The following OR5M9 variants were observed in gnomAD, a reference collection of about 807,000 sequenced individuals.
OR5M9 encodes olfactory receptor 5M9.
For missense variants in OR5M9, 464 were observed against 383.6 expected, an observed-to-expected ratio of 1.21 and a Z score of -1.75; for synonymous variants, 174 against 145.0, an observed-to-expected ratio of 1.20 and a Z score of -1.44.
In OR5M9 at chr11:56,462,893, A is replaced by G. The variant is rs753273695; in HGVS notation, c.509T>C (p.Phe170Ser). 1 of 1,614,116 alleles carries G rather than the reference A, an allele frequency of 6.2e-7. No homozygotes were observed. The highest frequency in any genetic ancestry group is 2.2e-5 in the East Asian group (1 of 44,862). The change falls in exon 1 of 1, where the codon TTT (phenylalanine) becomes TCT (serine). Residue 170 changes from phenylalanine to serine, a missense_variant. Physicochemically the swap from Phe to Ser is radical, Grantham distance 155 (BLOSUM62 -2). Coordinates refer to ENST00000279791, the MANE Select transcript of OR5M9 (RefSeq NM_001004743.1). The part of the protein sequence containing the change: ...WTYGLYFCGN[F>S]EINHFYCADP... Reference sequence around the variant, plus strand: ...TGCACAATAGAAGTGATTGATTTCAAAGTTTCCACAGAAGTATAAGCCATA... The same window carrying G: ...TGCACAATAGAAGTGATTGATTTCAGAGTTTCCACAGAAGTATAAGCCATA...
Position 56,462,931 on chromosome 11 carries a change from G to T in OR5M9, c.471C>A (p.Cys157Ter). 1 of 1,613,938 alleles carries T rather than the reference G, an allele frequency of 6.2e-7. No homozygotes were observed. The highest frequency in any genetic ancestry group is 8.5e-7 in the Non-Finnish European group (1 of 1,179,868). The change falls in exon 1 of 1, where the codon TGC becomes TGA. Residue 157 changes from cysteine to a stop codon, truncating the protein, a stop_gained. Coordinates refer to ENST00000279791, the MANE Select transcript of OR5M9 (RefSeq NM_001004743.1). LOFTEE classifies it low-confidence loss of function (END_TRUNC). ...YVYGFSVSLI[C>*]TLWTYGLYFC... Reference sequence around the variant, plus strand: ...AGTATAAGCCATAAGTCCATAGTGTGCATATTAGGCTGACAGAGAATCCAT... The same window carrying T: ...AGTATAAGCCATAAGTCCATAGTGTTCATATTAGGCTGACAGAGAATCCAT...
chr11:56,463,095 T>C lies in OR5M9; in HGVS notation c.307A>G (p.Ile103Val), dbSNP rs774176482. Residue 103 changes from isoleucine (I) to valine (V), a missense_variant, in exon 1 of 1, where the codon ATT (isoleucine) becomes GTT (valine). By Grantham distance (29) the Ile-to-Val change is conservative. Transcript: ENST00000279791. ...VGCLVQCYFF[I>V]AVVHVEVYIL... is the part of the protein sequence containing the mutation. ...TAGACCTCCACGTGGACAACGGCAATGAAAAAGTAGCACTGCACCAAGCAT... is the reference window on the plus strand; with the variant it reads ...TAGACCTCCACGTGGACAACGGCAACGAAAAAGTAGCACTGCACCAAGCAT... 41 of 1,613,932 alleles carry C rather than the reference T, an allele frequency of 2.5e-5. No homozygotes were observed. The highest frequency in any genetic ancestry group is 3.0e-5 in the Non-Finnish European group (35 of 1,179,978).
chr11:56,463,119 A>G lies in OR5M9; in HGVS notation c.283T>C (p.Cys95Arg). 3 of 1,614,108 alleles carry G rather than the reference A, an allele frequency of 1.9e-6. No individual in the cohort carries two copies. Among genetic ancestry groups the G allele is most frequent in the South Asian group, 1.1e-5 (1 of 91,090 alleles). Residue 95 changes from cysteine to arginine, a missense_variant, in exon 1 of 1, where the codon TGC (cysteine) becomes CGC (arginine). By Grantham distance (180) the Cys-to-Arg change is radical. Coordinates refer to ENST00000279791, the MANE Select transcript of OR5M9 (RefSeq NM_001004743.1). ...ATGAAAAAGTAGCACTGCACCAAGCATCCCACATAGGAAATGGTTTTTGTC... is the reference window on the plus strand; with the variant it reads ...ATGAAAAAGTAGCACTGCACCAAGCGTCCCACATAGGAAATGGTTTTTGTC... ...SETKTISYVG[C>R]LVQCYFFIAV...
chr11:56,463,197 C>G lies in OR5M9; in HGVS notation c.205G>C (p.Val69Leu). The part of the protein sequence containing the change: ...FFLSHLSFAD[V>L]CFSSNVTPKM... The stretch of plus-strand genomic sequence containing the variant: ...GGGGTAACGTTGGAGGAGAAGCACA[C>G]GTCCGCAAAAGACAGATGACTCAGG... The change falls in exon 1 of 1, where the codon GTG (valine) becomes CTG (leucine). Residue 69 changes from valine (V) to leucine (L), a missense_variant. Val to Leu is a conservative substitution (Grantham distance 32). Transcript: ENST00000279791. 2 of 1,613,858 alleles carry G rather than the reference C, an allele frequency of 1.2e-6. No individual in the cohort carries two copies. Among genetic ancestry groups the G allele is most frequent in the Middle Eastern group, 1.6e-4 (1 of 6,062 alleles).
rs768275209 is a variant in OR5M9, at chr11:56,463,374, AT to A, written c.27del (p.Glu9AspfsTer7). 2 of 1,609,474 alleles carry A rather than the reference AT, an allele frequency of 1.2e-6. No homozygotes were observed. The highest frequency in any genetic ancestry group is 3.4e-5 in the Admixed American group (2 of 59,038). Reference protein sequence around the residue: MPNFTDVTEFTLLGLTCRQ... With the variant: MPNFTDVTXFTLLGLTCRQ... ...CGACAGGTCAGCCCCAGGAGAGTAA[AT>A]TCTGTCACATCCGTGAAATTAGGCA... is the stretch of plus-strand genomic sequence containing the variant. On this transcript the variant is annotated frameshift_variant, in exon 1 of 1. Transcript: ENST00000279791. LOFTEE classifies it low-confidence loss of function (END_TRUNC).
In OR5M9 at chr11:56,462,820, T is replaced by C; in HGVS notation, c.582A>G (p.Glu194=). 1 of 1,613,742 alleles carries C rather than the reference T, an allele frequency of 6.2e-7. No individual in the cohort carries two copies. The highest frequency in any genetic ancestry group is 8.5e-7 in the Non-Finnish European group (1 of 1,179,862). ...QIACGRVHIK[E]ITMIVIAGIN... ...TTCCAGCAATAACAATCATTGTGAT[T>C]TCTTTGATGTGCACTCTCCCACAGG... The change falls in exon 1 of 1, where the codon GAA becomes GAG. Residue 194 remains glutamate (E), a synonymous_variant. Transcript: ENST00000279791.
At position 56,462,922 on chromosome 11, in the gene OR5M9, C is replaced by A. The variant is rs370179172; in HGVS notation, c.480G>T (p.Trp160Cys). The change falls in exon 1 of 1, where the codon TGG (tryptophan) becomes TGT (cysteine). Residue 160 changes from tryptophan to cysteine, a missense_variant. By Grantham distance (215) the Trp-to-Cys change is radical. Transcript: ENST00000279791. ...GFSVSLICTL[W>C]TYGLYFCGNF... ...TTCCACAGAAGTATAAGCCATAAGT[C>A]CATAGTGTGCATATTAGGCTGACAG... The A allele has an allele frequency of 6.2e-7, 1 of 1,614,038 alleles. No homozygotes were observed.
rs761732397 is a variant in OR5M9 at position 56,463,382 on chromosome 11, A to G, written c.20T>C (p.Val7Ala). The change falls in exon 1 of 1, where the codon GTG becomes GCG. Residue 7 changes from valine to alanine, a missense_variant. Transcript: ENST00000279791. MPNFTDVTEFTLLGLTC... is the reference protein window; with the variant it reads MPNFTDATEFTLLGLTC... The stretch of plus-strand genomic sequence containing the variant: ...CAGCCCCAGGAGAGTAAATTCTGTC[A>G]CATCCGTGAAATTAGGCATTGCCTT... 24 of 1,607,484 alleles carry G rather than the reference A, an allele frequency of 1.5e-5. No homozygotes were observed. Among genetic ancestry groups the G allele is most frequent in the Non-Finnish European group, 2.0e-5 (24 of 1,177,536 alleles).
chr11:56,463,293 G>C lies in OR5M9; in HGVS notation c.109C>G (p.Leu37Val), dbSNP rs767591636. The C allele has an allele frequency of 1.2e-6, 2 of 1,613,432 alleles. No homozygotes were observed. The highest frequency in any genetic ancestry group is 1.3e-5 in the African/African-American group (1 of 74,878). ...ATGATCATACCAATATTTCCCAACA[G>C]AGTGATCATGTAAACCGCTAGGAAC... is the stretch of plus-strand genomic sequence containing the variant. ...VVFLAVYMIT[L>V]LGNIGMIILI... Residue 37 changes from leucine to valine, a missense_variant, in exon 1 of 1, where the codon CTG becomes GTG. Coordinates refer to ENST00000279791, the MANE Select transcript of OR5M9 (RefSeq NM_001004743.1).
In OR5M9 at chr11:56,462,589, C is replaced by A. The variant is rs747756929; in HGVS notation, c.813G>T (p.Met271Ile). 8.7e-6 allele frequency: 14 copies of A among 1,613,576 alleles called. No homozygotes were observed. The highest frequency in any genetic ancestry group is 1.1e-5 in the Non-Finnish European group (13 of 1,179,724). ...PTEESVEQGK[M>I]VAVFYTTVIP... The stretch of plus-strand genomic sequence containing the variant: ...TTACTGTGGTGTAAAACACAGCCAC[C>A]ATTTTGCCCTGCTCTACGGATTCCT... Residue 271 changes from methionine (M) to isoleucine (I), a missense_variant, in exon 1 of 1, where the codon ATG (methionine) becomes ATT (isoleucine). Transcript: ENST00000279791.
Position 56,462,650 on chromosome 11 carries a change from C to G in OR5M9, c.752G>C (p.Gly251Ala). 1 of 1,613,708 alleles carries G rather than the reference C, an allele frequency of 6.2e-7. No homozygotes were observed. Residue 251 changes from glycine (G) to alanine (A), a missense_variant, in exon 1 of 1, where the codon GGG becomes GCG. Transcript: ENST00000279791. ...SHLTAVSMFY[G>A]TPIFMYLRRP... ...CCTGAGATACATGAAGATGGGGGTC[C>G]CATAAAACATAGAAACAGCCGTCAA...
In OR5M9 at chr11:56,463,198, G is replaced by T. The variant is rs140393785; in HGVS notation, c.204C>A (p.Asp68Glu). The T allele has an allele frequency of 1.9e-5, 31 of 1,613,696 alleles. No homozygotes were observed. In the African/African-American group the frequency reaches 3.3e-4, roughly 17 times the overall value. ...GGGTAACGTTGGAGGAGAAGCACAC[G>T]TCCGCAAAAGACAGATGACTCAGGA... is the stretch of plus-strand genomic sequence containing the variant. ...YFFLSHLSFA[D>E]VCFSSNVTPK... The change falls in exon 1 of 1, where the codon GAC (aspartate) becomes GAA (glutamate). Residue 68 changes from aspartate to glutamate, a missense_variant. Coordinates refer to ENST00000279791, the MANE Select transcript of OR5M9 (RefSeq NM_001004743.1).
Position 56,463,397 on chromosome 11 carries a change from G to T in OR5M9, c.5C>A (p.Pro2His), listed in dbSNP as rs751142842. 6.9e-6 allele frequency: 11 copies of T among 1,600,080 alleles called. No individual in the cohort carries two copies. In the South Asian group the frequency reaches 1.2e-4, roughly 18 times the overall value. Residue 2 changes from proline to histidine, a missense_variant, in exon 1 of 1, where the codon CCT (proline) becomes CAT (histidine). Pro to His is a moderately conservative substitution (Grantham distance 77, BLOSUM62 -2). Transcript: ENST00000279791. ...AAATTCTGTCACATCCGTGAAATTA[G>T]GCATTGCCTTAGTATAGGCCAAGTC... is the stretch of plus-strand genomic sequence containing the variant. The part of the protein sequence containing the change: M[P>H]NFTDVTEFTL...
Position 56,463,030 on chromosome 11 carries a change from G to A in OR5M9, c.372C>T (p.Gly124=). 1 of 1,614,060 alleles carries A rather than the reference G, an allele frequency of 6.2e-7. No individual in the cohort carries two copies. The highest frequency in any genetic ancestry group is 8.5e-7 in the Non-Finnish European group (1 of 1,179,962). ...AVMAFDRYMA[G]CNPLLYGSKM... ...TACTGCCATAAAGCAGAGGGTTGCA[G>A]CCGGCCATGTACCTGTCAAAGGCCA... The change falls in exon 1 of 1, where the codon GGC becomes GGT. Residue 124 remains glycine, a synonymous_variant. Transcript: ENST00000279791.
Position 56,462,769 on chromosome 11 carries a change from C to A in OR5M9, c.633G>T (p.Val211=), listed in dbSNP as rs117658855. Residue 211 remains valine, a synonymous_variant, in exon 1 of 1, where the codon GTG becomes GTT. Coordinates refer to ENST00000279791, the MANE Select transcript of OR5M9 (RefSeq NM_001004743.1). ...CAATGAGAGTGTAGGAGATGAGGAC[C>A]ACCGAGAGGGAATATGTGAAGTTAA... ...AGINFTYSLS[V]VLISYTLIVV... 2.5e-6 allele frequency: 4 copies of A among 1,612,816 alleles called. No individual in the cohort carries two copies. The highest frequency in any genetic ancestry group is 3.4e-6 in the Non-Finnish European group (4 of 1,179,636).
Position 56,463,179 on chromosome 11 carries a change from C to G in OR5M9, c.223G>C (p.Val75Leu), listed in dbSNP as rs367845258. 1.2e-6 allele frequency: 2 copies of G among 1,613,726 alleles called. No homozygotes were observed. The highest frequency in any genetic ancestry group is 1.3e-5 in the African/African-American group (1 of 74,868). Residue 75 changes from valine to leucine, a missense_variant, in exon 1 of 1, where the codon GTT becomes CTT. By Grantham distance (32) the Val-to-Leu change is conservative. Coordinates refer to ENST00000279791, the MANE Select transcript of OR5M9 (RefSeq NM_001004743.1). ...AAGTTTTCCAGCATTTTGGGGGTAA[C>G]GTTGGAGGAGAAGCACACGTCCGCA... is the stretch of plus-strand genomic sequence containing the variant. ...SFADVCFSSNVTPKMLENLLS... is the reference protein window; with the variant it reads ...SFADVCFSSNLTPKMLENLLS...
At position 56,462,734 on chromosome 11, in the gene OR5M9, AC is replaced by A; in HGVS notation, c.667del (p.Val223CysfsTer21). The A allele has an allele frequency of 1.2e-6, 2 of 1,613,180 alleles. No individual in the cohort carries two copies. Among genetic ancestry groups the A allele is most frequent in the Non-Finnish European group, 1.7e-6 (2 of 1,179,694 alleles). On this transcript the variant is annotated frameshift_variant, in exon 1 of 1. Transcript: ENST00000279791. LOFTEE classifies it low-confidence loss of function (END_TRUNC). Reference sequence around the variant, plus strand: ...GCCATCGGCAGAGCGCATGCGTAGCACAGCTACTACAATGAGAGTGTAGGAG... The same window carrying A: ...GCCATCGGCAGAGCGCATGCGTAGCAAGCTACTACAATGAGAGTGTAGGAG... ...LISYTLIVVAVLRMRSADGRR... is the reference protein window; with the variant it reads ...LISYTLIVVAXLRMRSADGRR...
chr11:56,462,989 A>G lies in OR5M9; in HGVS notation c.413T>C (p.Val138Ala). Residue 138 changes from valine to alanine, a missense_variant, in exon 1 of 1, where the codon GTG becomes GCG. By Grantham distance (64) the Val-to-Ala change is moderately conservative (BLOSUM62 0). Transcript: ENST00000279791. ...LLYGSKMSRT[V>A]CVRLISVPYV... is the part of the protein sequence containing the mutation. ...AGGCACAGAGATGAGCCGAACACACACAGTCCTAGACATTTTACTGCCATA... is the reference window on the plus strand; with the variant it reads ...AGGCACAGAGATGAGCCGAACACACGCAGTCCTAGACATTTTACTGCCATA... The G allele has an allele frequency of 6.2e-7, 1 of 1,614,084 alleles. No individual in the cohort carries two copies. The highest frequency in any genetic ancestry group is 8.5e-7 in the Non-Finnish European group (1 of 1,179,992).
Position 56,463,230 on chromosome 11 carries a change from A to G in OR5M9, c.172T>C (p.Tyr58His), listed in dbSNP as rs1215558858. 6.2e-7 allele frequency: 1 copy of G among 1,614,052 alleles called. No individual in the cohort carries two copies. Among genetic ancestry groups the G allele is most frequent in the Non-Finnish European group, 8.5e-7 (1 of 1,179,976 alleles). ...AAAGACAGATGACTCAGGAAAAAGT[A>G]CATGGGACTCTGAAGCTGAGGACTG... ...SISPQLQSPM[Y>H]FFLSHLSFAD... Residue 58 changes from tyrosine to histidine, a missense_variant, in exon 1 of 1, where the codon TAC becomes CAC. By Grantham distance (83) the Tyr-to-His change is moderately conservative (BLOSUM62 2). Transcript: ENST00000279791.
Sources: gnomAD v4.1 joint callset for allele counts on GRCh38, gnomAD v4.1.1 for gene constraint, MANE v1.5 for transcripts, NCBI Gene and HGNC (gene_info 2026-07-23, HGNC 2026-07-21) for gene names.